Variants in ASB14 observed in about 807,000 individuals in gnomAD.
The protein encoded by ASB14 is ankyrin repeat and SOCS box protein 14.
ASB14 carries 63 observed loss-of-function variants against 55.6 expected under a neutral mutation model. The ratio of observed to expected loss-of-function variants is 1.13; its 90% CI spans 0.92 to 1.40. ASB14 has a LOEUF of 1.40. Among genes scored for constraint, ASB14 ranks in the 40% most tolerant of loss-of-function variants. The pLI, the probability that ASB14 is intolerant of heterozygous loss-of-function variation, is 0.00. For synonymous variants in ASB14, 256 were observed against 259.9 expected, an observed-to-expected ratio of 0.98 and a Z score of 0.15; for missense variants, 724 against 710.4, an observed-to-expected ratio of 1.02 and a Z score of -0.22.
At chr3:57,288,582 C>T (rs538524721) in intron 3 of ASB14, among the ~76,000 whole-genome samples, 134 of 151,968 alleles carry the variant, frequency 8.8e-4, no homozygotes, top group African/African-American at 3.1e-3. Context: ...GAAAAGCCTA[C>T]ATCAGACTCT....
chr3:57,289,077 T>C lies in ASB14; in HGVS notation c.169A>G (p.Ile57Val). Reference protein sequence around the residue: ...SADYKKIVETIEKGKEDALSH... With the variant: ...SADYKKIVETVEKGKEDALSH... ...GGATAGGAGTACTTAACTTTCTCTA[T>C]TGTTTCAACTATCTTCTTATAGTCA... Residue 57 changes from isoleucine to valine, a missense_variant, in exon 3 of 11, where the codon ATA (isoleucine) becomes GTA (valine). Ile to Val is a conservative substitution (Grantham distance 29). Coordinates refer to ENST00000487349, the MANE Select transcript of ASB14 (RefSeq NM_001142733.3). The C allele has an allele frequency of 1.3e-6, 2 of 1,526,496 alleles. No homozygotes were observed. The highest frequency in any genetic ancestry group is 1.8e-6 in the Non-Finnish European group (2 of 1,137,264). The allele number at this position is 1,526,496 out of a possible 1,614,324, so 94.6% of individuals were successfully genotyped here. A position where few individuals can be genotyped will look rare whatever the true frequency, so the allele number is the denominator to read the frequency against.
intron 6 of ASB14, among the ~76,000 whole-genome samples, chr3:57,281,895 T>C (rs2061043495): frequency 6.6e-6 from 1 of 152,212 alleles, no homozygotes; most frequent in Non-Finnish European, 1.5e-5. Context: ...CTCTGTGATG[T>C]ACCATCTGTG....
chr3:57,289,105 G>C lies in ASB14; in HGVS notation c.141C>G (p.Ser47Arg). 1 of 1,529,422 alleles carries C rather than the reference G, an allele frequency of 6.5e-7. No homozygotes were observed. The highest frequency in any genetic ancestry group is 8.8e-7 in the Non-Finnish European group (1 of 1,140,036). 94.7% of individuals were successfully genotyped at this position (1,529,422 alleles called of 1,614,324 possible). A position where few individuals can be genotyped will look rare whatever the true frequency, so the allele number is the denominator to read the frequency against. ...TTTCAACTATCTTCTTATAGTCAGC[G>C]CTCAAAAAGGAATGCAAACTGCAAA... ...PKDESLHSFL[S>R]ADYKKIVETI... Residue 47 changes from serine to arginine, a missense_variant, in exon 3 of 11, where the codon AGC becomes AGG. Ser to Arg is a moderately radical substitution (Grantham distance 110). Coordinates refer to ENST00000487349, the MANE Select transcript of ASB14 (RefSeq NM_001142733.3).
intron 7 of ASB14, among the ~76,000 whole-genome samples, chr3:57,279,916 T>TG (rs1046293035): frequency 2.0e-5 from 3 of 151,618 alleles, no homozygotes; most frequent in East Asian, 3.9e-4. Context: ...CAGCGGGGGT[T>TG]GGGGGGGAAC....
chr3:57,269,536 A>T lies in ASB14; in HGVS notation c.*105T>A, dbSNP rs1266094587. The T allele has an allele frequency of 1.2e-6, 2 of 1,612,226 alleles. No individual in the cohort carries two copies. Among genetic ancestry groups the T allele is most frequent in the Admixed American group, 1.7e-5 (1 of 59,704 alleles). On this transcript the variant is annotated 3_prime_UTR_variant, in exon 11 of 11. Coordinates refer to ENST00000487349, the MANE Select transcript of ASB14 (RefSeq NM_001142733.3). ...ACTTAGTTTCTTTTTTGTCTTTTCC[A>T]CTAGGACTTGGAAGAACAAAGTCGG...
At chr3:57,289,038 C>A (rs2061106635) in intron 3 of ASB14, 30 bp downstream of exon 3, 2 of 1,456,538 alleles carry the variant, frequency 1.4e-6, no homozygotes, top group Non-Finnish European at 1.9e-6. Flanking sequence ...TCACATCTTA[C>A]CACAAGTTAA....
chr3:57,290,313 C>T (rs1415762847), intron 2 of ASB14, among the ~76,000 whole-genome samples: 1 of 152,146 alleles, frequency 6.6e-6, no homozygotes, highest in Non-Finnish European at 1.5e-5. Context: ...CTGGTGGACT[C>T]TCTGCCTCCA....
At chr3:57,289,632 T>C (rs1473866204) in intron 2 of ASB14, among the ~76,000 whole-genome samples, 1 of 151,420 alleles carries the variant, frequency 6.6e-6, no homozygotes, top group Non-Finnish European at 1.5e-5. Flanking sequence ...GCTTTAAATC[T>C]CAATTTATGA....
In ASB14 at chr3:57,289,796, C is replaced by A. The variant is rs1044546534; in HGVS notation, c.123-673G>T. ...CAGAGTAGCTGGGACTACAGGTGCCCACCATCACGGCCGGCTAATTTTTTG... is the reference window on the plus strand; with the variant it reads ...CAGAGTAGCTGGGACTACAGGTGCCAACCATCACGGCCGGCTAATTTTTTG... On this transcript the variant is annotated intron_variant, in intron 2 of 10. Transcript: ENST00000487349. 7.8e-5 allele frequency among the ~76,000 whole-genome samples: 11 copies of A among 141,030 alleles called. No homozygotes were observed. In the East Asian group the frequency reaches 8.4e-4, roughly 11 times the overall value. 92.5% of individuals were successfully genotyped at this position (141,030 alleles called of 152,430 possible). A position where few individuals can be genotyped will look rare whatever the true frequency, so the allele number is the denominator to read the frequency against.
chr3:57,285,517 C>T (rs1002327071), intron 5 of ASB14, among the ~76,000 whole-genome samples: 5 of 152,114 alleles, frequency 3.3e-5, no homozygotes, highest in Non-Finnish European at 7.3e-5. Flanking sequence ...CATTTCTCGT[C>T]CCACCATCCT....
intron 6 of ASB14, among the ~76,000 whole-genome samples, chr3:57,281,848 A>G (rs2061043203): frequency 6.6e-6 from 1 of 152,112 alleles, no homozygotes; most frequent in African/African-American, 2.4e-5. Context: ...GCAGGGTGAT[A>G]ATGTGATTTG....
At chr3:57,277,262 CAAAAAAA>C (rs567523418) in intron 9 of ASB14, among the ~76,000 whole-genome samples, 1 of 115,270 alleles carries the variant, frequency 8.7e-6, no homozygotes, top group Non-Finnish European at 1.9e-5. Flanking sequence ...GACTCTGTCT[CAAAAAAA>C]AAAAAAAAAA....
intron 7 of ASB14, among the ~76,000 whole-genome samples, chr3:57,279,546 A>C (rs1385918952): frequency 1.3e-5 from 2 of 152,046 alleles, no homozygotes. Flanking sequence ...TAAAAATACA[A>C]AAATTAGCTG....
At chr3:57,276,485 A>T in intron 10 of ASB14, 43 bp downstream of exon 10, 1 of 1,424,590 alleles carries the variant, frequency 7.0e-7, no homozygotes, top group Non-Finnish European at 9.6e-7. Context: ...AATATGAATC[A>T]TACATAAGTG....
intron 5 of ASB14, among the ~76,000 whole-genome samples, chr3:57,284,092 GTA>G (rs1469157712): frequency 2.2e-3 from 239 of 108,628 alleles, no homozygotes; most frequent in African/African-American, 8.0e-3. Context: ...GGAACACTGT[GTA>G]TGTGTGTGTG....
chr3:57,284,098 G>A (rs373493889), intron 5 of ASB14, among the ~76,000 whole-genome samples: 3 of 142,224 alleles, frequency 2.1e-5, no homozygotes, highest in African/African-American at 5.0e-5. Flanking sequence ...CTGTGTATGT[G>A]TGTGTGTGTG....
At chr3:57,279,100 T>C in intron 7 of ASB14, 180 bp from the exon 8 acceptor site, 1 of 622,376 alleles carries the variant, frequency 1.6e-6, no homozygotes, top group Non-Finnish European at 2.7e-6. Flanking sequence ...TAAAATTGAA[T>C]GGAATTACCG....
intron 10 of ASB14, chr3:57,270,621 T>C (rs1039328460): frequency 4.6e-5 from 7 of 152,584 alleles, no homozygotes; most frequent in Non-Finnish European, 8.8e-5. Flanking sequence ...AAAGTAAAAA[T>C]TCCCAGAGTT....
chr3:57,271,986 G>C (rs2060944318), intron 10 of ASB14: 1 of 152,154 alleles, frequency 6.6e-6, no homozygotes, highest in African/African-American at 2.4e-5. Context: ...CTGCCCATGG[G>C]TTTCTGCCTA....
Sources: gnomAD v4.1 joint callset for allele counts (sites outside exome capture counted in the v4.1 genomes callset) on GRCh38, gnomAD v4.1.1 for gene constraint, MANE v1.5 for transcripts, NCBI Gene and HGNC (gene_info 2026-07-23, HGNC 2026-07-21) for gene names.